Variants in KIAA1217 observed in about 807,000 individuals in gnomAD.
The protein encoded by KIAA1217 is sickle tail protein homolog.
KIAA1217 carries 88 observed loss-of-function variants against 163.9 expected under a neutral mutation model. The observed-to-expected ratio is 0.54, with a 90% CI of 0.45 to 0.64. The LOEUF is 0.64. KIAA1217 is among the 30% of genes least tolerant of loss of function. The probability of loss-of-function intolerance (pLI) is 0.00; values close to 1 mark genes in which losing one functional copy is unlikely to be tolerated. For missense variants in KIAA1217, 2,372 were observed against 2,475.0 expected, an observed-to-expected ratio of 0.96 and a Z score of 0.88; for synonymous variants, 903 against 923.1, an observed-to-expected ratio of 0.98 and a Z score of 0.39.
chr10:24,473,539 G>A lies in KIAA1217; in HGVS notation c.1158G>A (p.Met386Ile), dbSNP rs200596536. The A allele has an allele frequency of 1.2e-5, 19 of 1,613,806 alleles. No homozygotes were observed. Among genetic ancestry groups the A allele is most frequent in the Non-Finnish European group, 2.5e-6 (3 of 1,179,930 alleles). Residue 386 changes from methionine (M) to isoleucine (I), a missense_variant, in exon 6 of 21, where the codon ATG (methionine) becomes ATA (isoleucine). Transcript: ENST00000376454. Reference protein sequence around the residue: ...DEDMSGKNIAMYRNEGFYADP... With the variant: ...DEDMSGKNIAIYRNEGFYADP... Reference sequence around the variant, plus strand: ...ACATGAGTGGCAAAAACATTGCAATGTACAGAAATGAGGGTTTCTATGCTG... The same window carrying A: ...ACATGAGTGGCAAAAACATTGCAATATACAGAAATGAGGGTTTCTATGCTG...
chr10:23,898,457 T>G (rs1841804722), intron 1 of KIAA1217, among the ~76,000 whole-genome samples: 1 of 151,984 alleles, frequency 6.6e-6, no homozygotes, highest in Non-Finnish European at 1.5e-5. Flanking sequence ...CACCTTACTT[T>G]TATTATAACT....
chr10:24,508,333 A>G (rs1010053374), intron 9 of KIAA1217, among the ~76,000 whole-genome samples: 1 of 152,212 alleles, frequency 6.6e-6, no homozygotes. Context: ...TAGAAGTAGA[A>G]GGAAGCTTCC....
At chr10:24,387,015 G>A (rs7091497) in intron 3 of KIAA1217, among the ~76,000 whole-genome samples, 78,546 of 152,156 alleles carry the variant, frequency 0.52, 22,852 homozygotes, top group African/African-American at 0.8. Context: ...TTCGCAGAAG[G>A]GAGTTTCATA....
intron 2 of KIAA1217, among the ~76,000 whole-genome samples, chr10:24,046,193 G>A (rs1347704581): frequency 6.6e-6 from 1 of 151,974 alleles, no homozygotes; most frequent in Non-Finnish European, 1.5e-5. Context: ...ACCTTGGTTT[G>A]AAAAATAGCT....
At chr10:23,847,417 C>G (rs1839092325) in intron 1 of KIAA1217, among the ~76,000 whole-genome samples, 1 of 152,096 alleles carries the variant, frequency 6.6e-6, no homozygotes, top group Non-Finnish European at 1.5e-5. Context: ...TGTTATTGGT[C>G]TATTCAGGGA....
chr10:24,333,800 T>C (rs2045990959), intron 2 of KIAA1217, among the ~76,000 whole-genome samples: 1 of 152,160 alleles, frequency 6.6e-6, no homozygotes, highest in African/African-American at 2.4e-5. Flanking sequence ...GTTAAAAGGT[T>C]GGGGAAAATA....
intron 3 of KIAA1217, among the ~76,000 whole-genome samples, chr10:24,426,239 T>G (rs1428863203): frequency 6.6e-6 from 1 of 152,240 alleles, no homozygotes; most frequent in Non-Finnish European, 1.5e-5. Flanking sequence ...ACTAAAGGTA[T>G]CTGAGCGTCT....
intron 2 of KIAA1217, among the ~76,000 whole-genome samples, chr10:24,090,654 C>T (rs1314166219): frequency 2.6e-5 from 4 of 151,710 alleles, no homozygotes; most frequent in African/African-American, 9.7e-5. Flanking sequence ...CACAGTGGAT[C>T]CCCATTCCCC....
intron 1 of KIAA1217, among the ~76,000 whole-genome samples, chr10:23,788,053 C>A (rs1263880928): frequency 1.3e-5 from 2 of 152,034 alleles, no homozygotes; most frequent in Non-Finnish European, 2.9e-5. Context: ...AAAAAATTAG[C>A]CAGGCACAGT....
Position 24,543,764 on chromosome 10 carries a change from T to G in KIAA1217, c.4494T>G (p.Thr1498=), listed in dbSNP as rs752740707. The change falls in exon 19 of 21, where the codon ACT becomes ACG. Residue 1498 remains threonine (T), a synonymous_variant. Coordinates refer to ENST00000376454, the MANE Select transcript of KIAA1217 (RefSeq NM_019590.5). ...ATTCTGTAGTCCAGAATAATAACAC[T>G]TCCCAGATGTCTCATAAGAAGGTGG... ...NGDSVVQNNN[T]SQMSHKKVAP... is the part of the protein sequence containing the mutation. 68 of 1,613,226 alleles carry G rather than the reference T, an allele frequency of 4.2e-5. No individual in the cohort carries two copies. Among genetic ancestry groups the G allele is most frequent in the Non-Finnish European group, 5.6e-5 (66 of 1,179,716 alleles).
At chr10:24,261,006 C>T (rs1284393585) in intron 2 of KIAA1217, among the ~76,000 whole-genome samples, 2 of 152,124 alleles carry the variant, frequency 1.3e-5, no homozygotes, top group South Asian at 4.1e-4. Context: ...TACAAGAGAC[C>T]CAGTTACAGA....
At chr10:24,011,124 A>G (rs1236643095) in intron 2 of KIAA1217, among the ~76,000 whole-genome samples, 2 of 152,114 alleles carry the variant, frequency 1.3e-5, no homozygotes, top group African/African-American at 4.8e-5. Context: ...AGAGCCTGTG[A>G]GTGTAGTATT....
At chr10:23,881,943 C>T (rs1564503369) in intron 1 of KIAA1217, among the ~76,000 whole-genome samples, 1 of 151,932 alleles carries the variant, frequency 6.6e-6, no homozygotes, top group Non-Finnish European at 1.5e-5. Context: ...CCATCAAAAT[C>T]ATATCACAGG....
At chr10:23,745,492 T>A (rs1447869789) in intron 1 of KIAA1217, among the ~76,000 whole-genome samples, 1 of 152,204 alleles carries the variant, frequency 6.6e-6, no homozygotes, top group African/African-American at 2.4e-5. Flanking sequence ...CTGATTATCA[T>A]GGAGAAATTG....
intron 2 of KIAA1217, among the ~76,000 whole-genome samples, chr10:24,262,248 G>A (rs1298042922): frequency 2.0e-5 from 3 of 152,176 alleles, no homozygotes; most frequent in Admixed American, 6.5e-5. Flanking sequence ...AGTCCTAGGA[G>A]TCTGAGCAAT....
chr10:23,998,987 CA>C (rs1846622611), intron 1 of KIAA1217, among the ~76,000 whole-genome samples: 1 of 152,084 alleles, frequency 6.6e-6, no homozygotes, highest in Non-Finnish European at 1.5e-5. Flanking sequence ...TTCAAATATG[CA>C]GACTAGATCT....
chr10:23,927,223 T>C (rs1843059462), intron 1 of KIAA1217, among the ~76,000 whole-genome samples: 2 of 152,146 alleles, frequency 1.3e-5, no homozygotes, highest in African/African-American at 4.8e-5. Context: ...GTGCCTGGTC[T>C]ATCTTATTTA....
intron 2 of KIAA1217, among the ~76,000 whole-genome samples, chr10:24,030,569 A>T (rs938873101): frequency 1.3e-5 from 2 of 152,152 alleles, no homozygotes; most frequent in Admixed American, 1.3e-4. Flanking sequence ...TAGCGGTGTG[A>T]AAAAGGACTA....
intron 2 of KIAA1217, among the ~76,000 whole-genome samples, chr10:24,062,245 G>A (rs552728991): frequency 9.4e-5 from 14 of 148,600 alleles, no homozygotes; most frequent in South Asian, 4.3e-4. Flanking sequence ...CCATTAACTC[G>A]TCATTTAGCA....
Sources: allele counts gnomAD v4.1 joint callset (sites outside exome capture counted in the v4.1 genomes callset), GRCh38; gene constraint gnomAD v4.1.1; transcripts MANE v1.5; gene names NCBI Gene and HGNC (gene_info 2026-07-23, HGNC 2026-07-21).